The following PRKCE variants were observed in gnomAD, a reference collection of about 807,000 sequenced individuals.
The protein encoded by PRKCE is protein kinase C epsilon type.
Under a neutral mutation model 85.4 loss-of-function variants are expected in PRKCE, and 16 were observed. The ratio of observed to expected loss-of-function variants is 0.19; its 90% CI spans 0.13 to 0.28. The LOEUF (loss-of-function observed/expected upper bound fraction) is 0.28. PRKCE is among the 10% of genes least tolerant of loss of function. PRKCE has a pLI of 1.00. For synonymous variants in PRKCE, 388 were observed against 371.5 expected, an observed-to-expected ratio of 1.04 and a Z score of -0.51; for missense variants, 573 against 975.2, an observed-to-expected ratio of 0.59 and a Z score of 5.49.
At chr2:46,111,050 A>C (rs1672206997) in intron 11 of PRKCE, among the ~76,000 whole-genome samples, 2 of 152,094 alleles carry the variant, frequency 1.3e-5, no homozygotes, top group Admixed American at 1.3e-4. Context: ...TATGATCTGA[A>C]AGTTTTTTGT....
intron 2 of PRKCE, among the ~76,000 whole-genome samples, chr2:45,937,663 C>G (rs999814630): frequency 6.6e-6 from 1 of 151,480 alleles, no homozygotes; most frequent in Non-Finnish European, 1.5e-5. Flanking sequence ...TGTAGTGAGC[C>G]GAGATCATAC....
At chr2:45,940,481 C>T (rs962196987) in intron 2 of PRKCE, among the ~76,000 whole-genome samples, 2 of 152,100 alleles carry the variant, frequency 1.3e-5, no homozygotes, top group African/African-American at 4.8e-5. Context: ...TATATGCAGT[C>T]AAAAATATTT....
chr2:45,829,398 TG>T (rs1210861778), intron 1 of PRKCE, among the ~76,000 whole-genome samples: 3 of 152,180 alleles, frequency 2.0e-5, no homozygotes, highest in Non-Finnish European at 2.9e-5. Context: ...AAATGAGTTT[TG>T]GGGTTTTTGT....
intron 2 of PRKCE, among the ~76,000 whole-genome samples, chr2:45,877,268 C>A (rs1253061869): frequency 6.6e-6 from 1 of 152,034 alleles, no homozygotes; most frequent in Non-Finnish European, 1.5e-5. Context: ...TTATTCTTGT[C>A]TTTTTGTATT....
intron 1 of PRKCE, among the ~76,000 whole-genome samples, chr2:45,691,506 T>G (rs781478491): frequency 2.6e-5 from 4 of 152,214 alleles, no homozygotes; most frequent in Non-Finnish European, 5.9e-5. Context: ...AGAGAATAAC[T>G]AACTGTCTGG....
At chr2:45,867,560 A>G (rs954700979) in intron 2 of PRKCE, among the ~76,000 whole-genome samples, 2 of 152,202 alleles carry the variant, frequency 1.3e-5, no homozygotes, top group African/African-American at 4.8e-5. Context: ...GTTAACTGTC[A>G]TTATGAAAGT....
intron 11 of PRKCE, among the ~76,000 whole-genome samples, chr2:46,126,356 G>A (rs148462850): frequency 1.3e-5 from 2 of 152,030 alleles, no homozygotes; most frequent in East Asian, 1.9e-4. Flanking sequence ...CCTATTGGGG[G>A]CATTCACATT....
chr2:46,179,470 C>T (rs1021959824), intron 14 of PRKCE, among the ~76,000 whole-genome samples: 2 of 152,162 alleles, frequency 1.3e-5, no homozygotes, highest in Non-Finnish European at 1.5e-5. Context: ...TATTTCCTCC[C>T]TTCCTGACTA....
At chr2:45,658,042 T>A (rs12614635) in intron 1 of PRKCE, among the ~76,000 whole-genome samples, 39,377 of 151,952 alleles carry the variant, frequency 0.26, 5,925 homozygotes, top group Admixed American at 0.34. Flanking sequence ...TAGGAAAAAA[T>A]TTTTTAAAAG....
At chr2:45,848,226 A>T (rs570869020) in intron 2 of PRKCE, among the ~76,000 whole-genome samples, 1 of 152,364 alleles carries the variant, frequency 6.6e-6, no homozygotes, top group East Asian at 1.9e-4. Context: ...TTTCTTCTAA[A>T]TTCTACGTTA....
At chr2:45,700,679 A>G (rs1678561255) in intron 1 of PRKCE, 1 of 152,186 alleles carries the variant, frequency 6.6e-6, no homozygotes, top group Non-Finnish European at 1.5e-5. Context: ...GTCCCAGCAG[A>G]AAAAGACATT....
At chr2:45,813,208 T>A (rs923785153) in intron 1 of PRKCE, among the ~76,000 whole-genome samples, 1 of 152,170 alleles carries the variant, frequency 6.6e-6, no homozygotes, top group African/African-American at 2.4e-5. Flanking sequence ...GGCACTTATC[T>A]AACTGGATTC....
At position 46,186,860 on chromosome 2, in the gene PRKCE, A is replaced by T. The variant is rs1403628101; in HGVS notation, c.*1979A>T. On this transcript the variant is annotated 3_prime_UTR_variant, in exon 15 of 15. Transcript: ENST00000306156. ...CAGTTCTCTTTTGTTTTTATTTTTTAAAAACTCAGGTGTAATTATTATCTG... is the reference window on the plus strand; with the variant it reads ...CAGTTCTCTTTTGTTTTTATTTTTTTAAAACTCAGGTGTAATTATTATCTG... 6.6e-6 allele frequency: 1 copy of T among 152,580 alleles called. No individual in the cohort carries two copies. The highest frequency in any genetic ancestry group is 6.5e-5 in the Admixed American group (1 of 15,272). 9.5% of individuals were successfully genotyped at this position (152,580 alleles called of 1,614,324 possible). A position where few individuals can be genotyped will look rare whatever the true frequency, so the allele number is the denominator to read the frequency against.
At chr2:45,756,467 T>C (rs1323796638) in intron 1 of PRKCE, among the ~76,000 whole-genome samples, 1 of 152,244 alleles carries the variant, frequency 6.6e-6, no homozygotes, top group African/African-American at 2.4e-5. Flanking sequence ...ACCTACCATG[T>C]GATCCAGCCA....
chr2:46,173,315 T>G (rs1679105407), intron 14 of PRKCE, among the ~76,000 whole-genome samples: 1 of 152,236 alleles, frequency 6.6e-6, no homozygotes, highest in African/African-American at 2.4e-5. Flanking sequence ...AGCGGAGTGG[T>G]TATGACAGAG....
intron 14 of PRKCE, among the ~76,000 whole-genome samples, chr2:46,174,829 A>G (rs1679267338): frequency 6.6e-6 from 1 of 152,056 alleles, no homozygotes; most frequent in African/African-American, 2.4e-5. Flanking sequence ...AGCTGGGACT[A>G]CAGGCACGTG....
At chr2:45,960,550 G>A (rs1441669677) in intron 2 of PRKCE, among the ~76,000 whole-genome samples, 2 of 152,146 alleles carry the variant, frequency 1.3e-5, no homozygotes, top group Non-Finnish European at 2.9e-5. Flanking sequence ...TAGGGTTCCC[G>A]CTCCTATGAG....
At chr2:45,741,871 G>A (rs1682606871) in intron 1 of PRKCE, among the ~76,000 whole-genome samples, 1 of 152,224 alleles carries the variant, frequency 6.6e-6, no homozygotes, top group Admixed American at 6.5e-5. Context: ...AAGGCCATGG[G>A]TTACCCAGGG....
At chr2:45,917,731 G>A (rs1027816910) in intron 2 of PRKCE, among the ~76,000 whole-genome samples, 5 of 152,234 alleles carry the variant, frequency 3.3e-5, no homozygotes, top group Admixed American at 2.0e-4. Flanking sequence ...GGCGGCGCTC[G>A]TCGGGGAGGC....
Sources: gnomAD v4.1 joint callset for allele counts (sites outside exome capture counted in the v4.1 genomes callset) on GRCh38, gnomAD v4.1.1 for gene constraint, MANE v1.5 for transcripts, NCBI Gene and HGNC (gene_info 2026-07-23, HGNC 2026-07-21) for gene names.